PTPRD: variants seen among roughly 807,000 people sequenced by gnomAD.
PTPRD encodes receptor-type tyrosine-protein phosphatase delta.
In PTPRD, 34 loss-of-function variants were observed where a neutral mutation model predicts 214.5. That is an observed-to-expected ratio of 0.16 (90% CI 0.12 to 0.21). The LOEUF (loss-of-function observed/expected upper bound fraction) is 0.21, where lower values mean the gene tolerates loss of function less well. Ranked by LOEUF, PTPRD falls within the 10% of genes least tolerant of loss-of-function variation. The probability of loss-of-function intolerance (pLI) is 1.00; values close to 1 mark genes in which losing one functional copy is unlikely to be tolerated. For synonymous variants in PTPRD, 1,128 were observed against 845.7 expected (o/e 1.33, Z -5.79); for missense variants, 2,545 against 2,398.7 (o/e 1.06, Z -1.27).
chr9:9,917,485 T>G (rs1449502362), intron 5 of PTPRD, among the ~76,000 whole-genome samples: 2 of 145,126 alleles, frequency 1.4e-5, no homozygotes, highest in Non-Finnish European at 3.0e-5. Flanking sequence ...CAGGACCAGA[T>G]GTCTTTACCA....
chr9:8,959,134 C>G (rs1324773116), intron 11 of PTPRD, among the ~76,000 whole-genome samples: 1 of 152,036 alleles, frequency 6.6e-6, no homozygotes, highest in Non-Finnish European at 1.5e-5. Context: ...GGCTTTAACA[C>G]AGGAATGCCT....
At chr9:9,767,382 C>T (rs934894566) in intron 5 of PTPRD, among the ~76,000 whole-genome samples, 4 of 151,854 alleles carry the variant, frequency 2.6e-5, no homozygotes, top group African/African-American at 7.3e-5. Context: ...AGAATGAAGG[C>T]ACAGATAATA....
At chr9:8,944,957 C>T (rs192814842) in intron 11 of PTPRD, among the ~76,000 whole-genome samples, 1 of 151,974 alleles carries the variant, frequency 6.6e-6, no homozygotes. Context: ...GGTAGATACC[C>T]CCTTTACTCT....
intron 9 of PTPRD, among the ~76,000 whole-genome samples, chr9:9,256,933 C>A (rs2099977971): frequency 6.6e-6 from 1 of 151,990 alleles, no homozygotes; most frequent in African/African-American, 2.4e-5. Flanking sequence ...TTTTTATGCA[C>A]CATCCCCAGA....
intron 3 of PTPRD, among the ~76,000 whole-genome samples, chr9:10,073,783 C>A (rs993474756): frequency 6.6e-6 from 1 of 152,088 alleles, no homozygotes; most frequent in African/African-American, 2.4e-5. Flanking sequence ...GATTATTCAA[C>A]TAGATTATGT....
At chr9:9,923,609 T>A (rs1371897990) in intron 5 of PTPRD, among the ~76,000 whole-genome samples, 1 of 151,870 alleles carries the variant, frequency 6.6e-6, no homozygotes, top group Non-Finnish European at 1.5e-5. Flanking sequence ...GTAAAACAAG[T>A]CATCTACAAA....
At chr9:8,773,652 T>C (rs993094250) in intron 11 of PTPRD, among the ~76,000 whole-genome samples, 5 of 152,220 alleles carry the variant, frequency 3.3e-5, no homozygotes, top group African/African-American at 4.8e-5. Context: ...AACACTTCAT[T>C]GAATTCCCAT....
chr9:8,545,968 G>C (rs955693870), intron 14 of PTPRD, among the ~76,000 whole-genome samples: 1 of 152,160 alleles, frequency 6.6e-6, no homozygotes, highest in Non-Finnish European at 1.5e-5. Context: ...CAGGTGGCTA[G>C]CCTATCCAAG....
chr9:10,573,097 G>C (rs1274153773), intron 2 of PTPRD, among the ~76,000 whole-genome samples: 1 of 151,998 alleles, frequency 6.6e-6, no homozygotes, highest in Non-Finnish European at 1.5e-5. Context: ...TACCTTACTT[G>C]TGAGTATACG....
In PTPRD at chr9:8,635,119, A is replaced by G. The variant is rs572310470; in HGVS notation, c.210+1580T>C. 3.4e-5 allele frequency among the ~76,000 whole-genome samples: 5 copies of G among 148,914 alleles called. No individual in the cohort carries two copies. The South Asian group carries it at 1.0e-3, about 31-fold the overall frequency. ...AGTGTTAAATATAGTAAAGATTTTC[A>G]ACCAAGGACTTGATACAGTTTGATG... On this transcript the variant is annotated intron_variant, in intron 13 of 45. Transcript: ENST00000381196.
At chr9:9,971,357 T>G (rs571738305) in intron 4 of PTPRD, among the ~76,000 whole-genome samples, 8 of 152,240 alleles carry the variant, frequency 5.3e-5, no homozygotes, top group South Asian at 4.1e-4. Context: ...GGAGGAAGAA[T>G]AATAGATGAA....
intron 7 of PTPRD, among the ~76,000 whole-genome samples, chr9:9,632,575 C>A (rs1461528496): frequency 6.0e-5 from 9 of 150,862 alleles, no homozygotes; most frequent in African/African-American, 2.2e-4. Context: ...TTTTTCTAAA[C>A]AAATCATACT....
intron 5 of PTPRD, among the ~76,000 whole-genome samples, chr9:9,815,949 A>C (rs1400814614): frequency 6.6e-6 from 1 of 152,168 alleles, no homozygotes; most frequent in Non-Finnish European, 1.5e-5. Flanking sequence ...TGTGAGGTGA[A>C]CTTTTTTAAG....
chr9:8,504,472 T>C (rs1171761089), intron 22 of PTPRD, 67 bp from the exon 23 acceptor site: 5 of 1,532,396 alleles, frequency 3.3e-6, no homozygotes, highest in Non-Finnish European at 4.5e-6. Flanking sequence ...AATCATACTG[T>C]CTGGACCATC....
At chr9:9,750,721 C>T (rs957286839) in intron 6 of PTPRD, among the ~76,000 whole-genome samples, 1 of 152,090 alleles carries the variant, frequency 6.6e-6, no homozygotes, top group African/African-American at 2.4e-5. Flanking sequence ...CAATCACTAA[C>T]AAGATATCTT....
At chr9:8,765,263 G>A (rs1410788224) in intron 11 of PTPRD, among the ~76,000 whole-genome samples, 2 of 152,182 alleles carry the variant, frequency 1.3e-5, no homozygotes, top group Non-Finnish European at 2.9e-5. Context: ...CTTAGTGACT[G>A]CTTCCAGCAA....
chr9:9,028,527 T>C (rs964614508), intron 10 of PTPRD, among the ~76,000 whole-genome samples: 3 of 152,026 alleles, frequency 2.0e-5, no homozygotes, highest in Non-Finnish European at 4.4e-5. Context: ...TGTGGTATCA[T>C]AGTAATTGAT....
intron 2 of PTPRD, among the ~76,000 whole-genome samples, chr9:10,456,009 C>T (rs2098914003): frequency 6.6e-6 from 1 of 151,646 alleles, no homozygotes; most frequent in Non-Finnish European, 1.5e-5. Flanking sequence ...TGTTATAAGC[C>T]AACCCAAAAT....
intron 10 of PTPRD, among the ~76,000 whole-genome samples, chr9:9,040,822 G>C (rs1458252319): frequency 6.6e-6 from 1 of 152,108 alleles, no homozygotes; most frequent in Non-Finnish European, 1.5e-5. Context: ...AGCTAATGTT[G>C]CTTGCTGGGG....
Sources: allele counts gnomAD v4.1 joint callset (sites outside exome capture counted in the v4.1 genomes callset), GRCh38; gene constraint gnomAD v4.1.1; transcripts MANE v1.5; gene names NCBI Gene and HGNC (gene_info 2026-07-23, HGNC 2026-07-21).